Variants in GPHN observed in about 807,000 individuals in gnomAD.
GPHN encodes the protein gephyrin.
A neutral mutation model predicts 95.5 loss-of-function variants in GPHN; 17 were observed. That is an observed-to-expected ratio of 0.18 (90% CI 0.12 to 0.27). GPHN has a LOEUF of 0.27. Ranked by LOEUF, GPHN falls within the 10% of genes least tolerant of loss-of-function variation. The pLI is 1.00. For synonymous variants in GPHN, 320 were observed against 322.5 expected (o/e 0.99, Z 0.08); for missense variants, 660 against 978.1 (o/e 0.67, Z 4.34).
the GPHN span, chr14:67,303,645 G>A: frequency 1.6e-5 from 21 of 1,301,504 alleles, no homozygotes; most frequent in East Asian, 4.8e-4. Flanking sequence ...TGTGGATGCT[G>A]TTTACTTCTG....
chr14:66,630,533 G>A (rs567234810), intron 1 of GPHN, among the ~76,000 whole-genome samples: 129 of 151,994 alleles, frequency 8.5e-4, no homozygotes, highest in Non-Finnish European at 1.6e-3. Flanking sequence ...GTGCAGTGGC[G>A]CGATCTCAGC....
At chr14:67,399,491 G>T in the GPHN span, among the ~76,000 whole-genome samples, 1 of 148,806 alleles carries the variant, frequency 6.7e-6, no homozygotes, top group Non-Finnish European at 1.5e-5. Context: ...TGGCTGTCAG[G>T]TGGCAGGAAT....
intron 1 of GPHN, among the ~76,000 whole-genome samples, chr14:66,657,750 A>G (rs2065391189): frequency 6.6e-6 from 1 of 152,154 alleles, no homozygotes; most frequent in South Asian, 2.1e-4. Context: ...TACTGCTCAG[A>G]AAAATAGATT....
chr14:66,998,887 AAAT>A (rs1449419529), intron 9 of GPHN, among the ~76,000 whole-genome samples: 16 of 134,970 alleles, frequency 1.2e-4, no homozygotes, highest in Non-Finnish European at 1.7e-4. Flanking sequence ...TAAAAAAAAA[AAAT>A]ATATATATAT....
Position 66,899,067 on chromosome 14 carries a change from T to G in GPHN, c.390-16936T>G, listed in dbSNP as rs142600158. Among the ~76,000 whole-genome samples the G allele has an allele frequency of 3.0e-3, 454 of 151,922 alleles. 3 individuals carry two copies. The highest frequency in any genetic ancestry group is 0.01 in the African/African-American group (436 of 41,564). ...ACAATTAATTCTTGGATGTTGATTT[T>G]ATATTCTACAGCCTTGCTTAATTGC... On this transcript the variant is annotated intron_variant, in intron 5 of 22. Coordinates refer to ENST00000478722, the MANE Select transcript of GPHN (RefSeq NM_020806.5).
At chr14:66,787,094 A>G (rs1211766770) in intron 3 of GPHN, among the ~76,000 whole-genome samples, 1 of 152,146 alleles carries the variant, frequency 6.6e-6, no homozygotes, top group Non-Finnish European at 1.5e-5. Context: ...TTTGCAGACC[A>G]CTTGATTATC....
intron 2 of GPHN, among the ~76,000 whole-genome samples, chr14:66,739,641 C>A (rs2072625858): frequency 6.6e-6 from 1 of 151,388 alleles, no homozygotes; most frequent in Non-Finnish European, 1.5e-5. Context: ...AAAACAAATG[C>A]AGATTCTCTG....
chr14:66,993,179 T>C (rs1336240603), intron 9 of GPHN, among the ~76,000 whole-genome samples: 1 of 152,128 alleles, frequency 6.6e-6, no homozygotes, highest in Admixed American at 6.5e-5. Context: ...CCTCAAATTG[T>C]CTACCTTTAC....
chr14:67,002,077 G>T lies in GPHN; in HGVS notation c.964-21556G>T, dbSNP rs977850804. ...TCAGCTAAGCCACAGAACACAGGAA[G>T]TAATATGTGTAGCTATTTTCTTAAG... On this transcript the variant is annotated intron_variant, in intron 9 of 22. Transcript: ENST00000478722. Among the ~76,000 whole-genome samples the T allele has an allele frequency of 2.6e-5, 4 of 151,536 alleles. No individual in the cohort carries two copies. In the East Asian group the frequency reaches 7.7e-4, roughly 29 times the overall value.
At chr14:66,866,506 T>C (rs2063227424) in intron 4 of GPHN, among the ~76,000 whole-genome samples, 1 of 152,188 alleles carries the variant, frequency 6.6e-6, no homozygotes, top group South Asian at 2.1e-4. Context: ...TATGGTTAGA[T>C]AATTTAATTA....
At chr14:66,609,916 T>C (rs1171731573) in intron 1 of GPHN, among the ~76,000 whole-genome samples, 1 of 152,222 alleles carries the variant, frequency 6.6e-6, no homozygotes, top group African/African-American at 2.4e-5. Flanking sequence ...ATCTAGATTC[T>C]GAATTGTCTG....
chr14:67,220,269 C>G, the GPHN span, among the ~76,000 whole-genome samples: 1 of 151,862 alleles, frequency 6.6e-6, no homozygotes, highest in Non-Finnish European at 1.5e-5. Context: ...GACCCTGTCC[C>G]TACAAAAAAG....
At chr14:67,246,004 A>G in the GPHN span, among the ~76,000 whole-genome samples, 7 of 152,108 alleles carry the variant, frequency 4.6e-5, no homozygotes, top group Non-Finnish European at 8.8e-5. Flanking sequence ...TGTTTAAAAC[A>G]TGATCTTTTT....
At chr14:66,911,464 G>T (rs1195693224) in intron 5 of GPHN, among the ~76,000 whole-genome samples, 1 of 151,946 alleles carries the variant, frequency 6.6e-6, no homozygotes. Flanking sequence ...AAAAAAGTAA[G>T]AATGTTTTAA....
chr14:66,985,306 TA>T (rs1273022497), intron 9 of GPHN, among the ~76,000 whole-genome samples: 7 of 152,188 alleles, frequency 4.6e-5, no homozygotes. Context: ...TTTCTAATAT[TA>T]CAATGGAATA....
intron 2 of GPHN, among the ~76,000 whole-genome samples, chr14:66,697,245 C>A (rs2068160056): frequency 6.6e-6 from 1 of 152,068 alleles, no homozygotes; most frequent in African/African-American, 2.4e-5. Context: ...ATAATATTGT[C>A]AATGATGAAT....
At chr14:67,498,979 T>TTTTAATTATTTATTTATTTA in the GPHN span, among the ~76,000 whole-genome samples, 1 of 146,510 alleles carries the variant, frequency 6.8e-6, no homozygotes, top group Non-Finnish European at 1.5e-5. Context: ...AAGGCAATGG[T>TTTTAATTATTTATTTATTTA]TTTATTTATT....
At chr14:67,341,529 C>CG in the GPHN span, among the ~76,000 whole-genome samples, 1 of 151,074 alleles carries the variant, frequency 6.6e-6, no homozygotes, top group African/African-American at 2.4e-5. Flanking sequence ...GTCAGCCCCC[C>CG]GCCTGGCCAG....
chr14:67,537,221 G>A, the GPHN span, among the ~76,000 whole-genome samples: 2 of 140,898 alleles, frequency 1.4e-5, 1 homozygote, highest in African/African-American at 5.4e-5. Context: ...GCATCCACCT[G>A]TAATCCCAGC....
Sources: gnomAD v4.1 joint callset for allele counts (sites outside exome capture counted in the v4.1 genomes callset) on GRCh38, gnomAD v4.1.1 for gene constraint, MANE v1.5 for transcripts, NCBI Gene and HGNC (gene_info 2026-07-23, HGNC 2026-07-21) for gene names.